ZNF648: variants seen among roughly 807,000 people sequenced by gnomAD.
ZNF648 encodes zinc finger protein 648.
A neutral mutation model predicts 0.3 loss-of-function variants in ZNF648; 1 was observed. The ratio of observed to expected loss-of-function variants is 3.90; its 90% CI spans 1.39 to 18.51. ZNF648 has a LOEUF of 18.51. Ranked by LOEUF, ZNF648 falls within the 30% of genes most tolerant of loss-of-function variation. The pLI is 0.11. For missense variants in ZNF648, 874 were observed against 769.7 expected, an observed-to-expected ratio of 1.14 and a Z score of -1.60; for synonymous variants, 376 against 326.8, an observed-to-expected ratio of 1.15 and a Z score of -1.62.
Position 182,056,533 on chromosome 1 carries a change from C to T in ZNF648, c.1478G>A (p.Arg493Gln), listed in dbSNP as rs769921881. The T allele has an allele frequency of 1.2e-6, 2 of 1,614,012 alleles. No homozygotes were observed. Among genetic ancestry groups the T allele is most frequent in the East Asian group, 2.2e-5 (1 of 44,852 alleles). ...CTCCCCGGAGTGGATCTGTTGGTGC[C>T]GCTTCAGGGTCGAAGAGCGGGCAAA... ...QAFARSSTLK[R>Q]HQQIHSGEKG... Residue 493 changes from arginine to glutamine, a missense_variant, in exon 2 of 2, where the codon CGG (arginine) becomes CAG (glutamine). By Grantham distance (43) the Arg-to-Gln change is conservative. Transcript: ENST00000339948.
At position 182,057,590 on chromosome 1, in the gene ZNF648, G is replaced by C. The variant is rs1462829731; in HGVS notation, c.421C>G (p.Leu141Val). ...TCACCCGCAGGTAGTCGGTCCCCAA[G>C]AGGTTGCATCTGACCTAACAATTTG... ...AHKLLGQMQP[L>V]GDRLPAGDDG... The change falls in exon 2 of 2, where the codon CTT becomes GTT. Residue 141 changes from leucine (L) to valine (V), a missense_variant. Coordinates refer to ENST00000339948, the MANE Select transcript of ZNF648 (RefSeq NM_001009992.1). 1 of 1,614,244 alleles carries C rather than the reference G, an allele frequency of 6.2e-7. No individual in the cohort carries two copies. The highest frequency in any genetic ancestry group is 8.5e-7 in the Non-Finnish European group (1 of 1,180,044).
At position 182,058,077 on chromosome 1, in the gene ZNF648, CAAAAAG is replaced by C. The variant is rs373160661; in HGVS notation, c.-63-10_-63-5del. The C allele has an allele frequency of 2.9e-4, 437 of 1,511,742 alleles. 3 individuals carry two copies. In the Middle Eastern group the frequency reaches 9.2e-3, roughly 32 times the overall value. The allele number at this position is 1,511,742 out of a possible 1,614,324, so 93.6% of individuals were successfully genotyped here. ...TATCCTGCTTGGCTCAGGATACCTG[CAAAAAG>C]AAAAGTACGAAGAGAAAATCACAAA... is the stretch of plus-strand genomic sequence containing the variant. On this transcript the variant is annotated splice_polypyrimidine_tract_variant and splice_region_variant and intron_variant, in intron 1 of 1. Transcript: ENST00000339948.
chr1:182,057,602 G>C lies in ZNF648; in HGVS notation c.409C>G (p.Gln137Glu), dbSNP rs1440521926. 3.7e-6 allele frequency: 6 copies of C among 1,614,206 alleles called. No individual in the cohort carries two copies. The South Asian group carries it at 6.6e-5, about 18-fold the overall frequency. ...PSGLAHKLLG[Q>E]MQPLGDRLPA... ...AGTCGGTCCCCAAGAGGTTGCATCT[G>C]ACCTAACAATTTGTGTGCGAGACCA... is the stretch of plus-strand genomic sequence containing the variant. The change falls in exon 2 of 2, where the codon CAG becomes GAG. Residue 137 changes from glutamine to glutamate, a missense_variant. Coordinates refer to ENST00000339948, the MANE Select transcript of ZNF648 (RefSeq NM_001009992.1).
At chr1:182,061,257 T>C (rs1666028112) in intron 1 of ZNF648, among the ~76,000 whole-genome samples, 2 of 152,130 alleles carry the variant, frequency 1.3e-5, no homozygotes, top group African/African-American at 4.8e-5. Flanking sequence ...ATGGCGGGCC[T>C]CTCTGCTCCC....
In ZNF648 at chr1:182,057,919, A is replaced by G; in HGVS notation, c.92T>C (p.Met31Thr). 6.2e-7 allele frequency: 1 copy of G among 1,614,000 alleles called. No individual in the cohort carries two copies. The highest frequency in any genetic ancestry group is 1.1e-5 in the South Asian group (1 of 91,078). Reference protein sequence around the residue: ...EEAHDTQMLSMNLESDDEDGG... With the variant: ...EEAHDTQMLSTNLESDDEDGG... The stretch of plus-strand genomic sequence containing the variant: ...ATCTTCATCGTCACTCTCTAAGTTC[A>G]TGCTCAGCATCTGGGTGTCATGAGC... Residue 31 changes from methionine to threonine, a missense_variant, in exon 2 of 2, where the codon ATG becomes ACG. Transcript: ENST00000339948.
At position 182,057,545 on chromosome 1, in the gene ZNF648, T is replaced by C. The variant is rs561204808; in HGVS notation, c.466A>G (p.Asn156Asp). The part of the protein sequence containing the change: ...PAGDDGYSGA[N>D]QDAVLDVPPS... ...GGGACATCCAAGACTGCGTCCTGGT[T>C]TGCCCCCGAGTATCCATCATCACCC... The change falls in exon 2 of 2, where the codon AAC becomes GAC. Residue 156 changes from asparagine to aspartate, a missense_variant. Asn to Asp is a conservative substitution (Grantham distance 23). Coordinates refer to ENST00000339948, the MANE Select transcript of ZNF648 (RefSeq NM_001009992.1). The C allele has an allele frequency of 3.7e-6, 6 of 1,614,190 alleles. No individual in the cohort carries two copies. In the Admixed American group the frequency reaches 8.3e-5, roughly 22 times the overall value.
chr1:182,067,122 A>G, the ZNF648 span, among the ~76,000 whole-genome samples: 2 of 152,188 alleles, frequency 1.3e-5, no homozygotes, highest in African/African-American at 4.8e-5. Flanking sequence ...TTATAAGGCA[A>G]TGACATCACA....
At position 182,057,775 on chromosome 1, in the gene ZNF648, T is replaced by C. The variant is rs1317878495; in HGVS notation, c.236A>G (p.Glu79Gly). The change falls in exon 2 of 2, where the codon GAG becomes GGG. Residue 79 changes from glutamate to glycine, a missense_variant. By Grantham distance (98) the Glu-to-Gly change is moderately conservative. Transcript: ENST00000339948. ...PWPHPLGKEE[E>G]KFSDSSSAGG... ...AGCACTGGAGGAGTCAGAGAATTTC[T>C]CTTCCTCTTTGCCCAGTGGATGGGG... The C allele has an allele frequency of 6.2e-7, 1 of 1,614,220 alleles. No homozygotes were observed. Among genetic ancestry groups the C allele is most frequent in the African/African-American group, 1.3e-5 (1 of 75,058 alleles).
Position 182,057,831 on chromosome 1 carries a change from T to A in ZNF648, c.180A>T (p.Pro60=). The change falls in exon 2 of 2, where the codon CCA becomes CCT. Residue 60 remains proline (P), a synonymous_variant. Transcript: ENST00000339948. ...GCAAGTCAGGATTTTCGTGTGTTACTGGGGAGCTGCCCCTTGGACAGGCCA... is the reference window on the plus strand; with the variant it reads ...GCAAGTCAGGATTTTCGTGTGTTACAGGGGAGCTGCCCCTTGGACAGGCCA... ...DPVACPRGSS[P]VTHENPDLPW... is the part of the protein sequence containing the mutation. 1.2e-6 allele frequency: 2 copies of A among 1,614,232 alleles called. No individual in the cohort carries two copies.
At chr1:182,068,165 G>A in the ZNF648 span, among the ~76,000 whole-genome samples, 1 of 152,204 alleles carries the variant, frequency 6.6e-6, no homozygotes, top group Non-Finnish European at 1.5e-5. Flanking sequence ...GAGCCCAGGG[G>A]CATGATGAAG....
In ZNF648 at chr1:182,056,377, T is replaced by C. The variant is rs775617165; in HGVS notation, c.1634A>G (p.Asn545Ser). 56 of 1,614,034 alleles carry C rather than the reference T, an allele frequency of 3.5e-5. No homozygotes were observed. The highest frequency in any genetic ancestry group is 4.7e-5 in the Non-Finnish European group (55 of 1,180,030). The change falls in exon 2 of 2, where the codon AAT becomes AGT. Residue 545 changes from asparagine (N) to serine (S), a missense_variant. By Grantham distance (46) the Asn-to-Ser change is conservative. Coordinates refer to ENST00000339948, the MANE Select transcript of ZNF648 (RefSeq NM_001009992.1). ...EDCGQAFTRSNHLQRHRAKHG... is the reference protein window; with the variant it reads ...EDCGQAFTRSSHLQRHRAKHG... Reference sequence around the variant, plus strand: ...CTTGGCTCGGTGTCGTTGGAGGTGATTGGACCTGGTGAAGGCCTGGCCGCA... The same window carrying C: ...CTTGGCTCGGTGTCGTTGGAGGTGACTGGACCTGGTGAAGGCCTGGCCGCA...
the ZNF648 span, among the ~76,000 whole-genome samples, chr1:182,067,957 A>C: frequency 6.6e-6 from 1 of 152,244 alleles, no homozygotes; most frequent in Non-Finnish European, 1.5e-5. Context: ...CTGAGGAAGA[A>C]CACCACAAAT....
the ZNF648 span, among the ~76,000 whole-genome samples, chr1:182,066,716 TAAG>T: frequency 2.0e-5 from 3 of 152,208 alleles, no homozygotes; most frequent in Non-Finnish European, 4.4e-5. Flanking sequence ...AAAATGGGAA[TAAG>T]AATAATTTCA....
upstream of ZNF648, among the ~76,000 whole-genome samples, chr1:182,062,440 G>A (rs936924636): frequency 6.6e-6 from 1 of 152,164 alleles, no homozygotes; most frequent in Non-Finnish European, 1.5e-5. Flanking sequence ...TCACTAGGTG[G>A]TCACAAAGTA....
At chr1:182,069,408 A>C in the ZNF648 span, among the ~76,000 whole-genome samples, 2 of 152,224 alleles carry the variant, frequency 1.3e-5, no homozygotes, top group Middle Eastern at 3.2e-3. Flanking sequence ...CAACTGCTGC[A>C]CTGAACGTAA....
the ZNF648 span, chr1:182,068,345 G>C: frequency 6.6e-6 from 1 of 152,192 alleles, no homozygotes; most frequent in South Asian, 2.1e-4. Context: ...TACTATGTCA[G>C]TGTTTTTCAG....
Position 182,056,017 on chromosome 1 carries a change from C to G in ZNF648, c.*287G>C. On this transcript the variant is annotated 3_prime_UTR_variant, in exon 2 of 2. Transcript: ENST00000339948. ...TTCTAGAAGCAGTTTCTGATTGATT[C>G]AGGTTCCCCAACCCAAGGAACTCAA... The G allele has an allele frequency of 2.4e-6, 1 of 411,540 alleles. No homozygotes were observed. The highest frequency in any genetic ancestry group is 3.7e-5 in the South Asian group (1 of 26,776). The allele number at this position is 411,540 out of a possible 1,614,324, so 25.5% of individuals were successfully genotyped here.
the ZNF648 span, among the ~76,000 whole-genome samples, chr1:182,067,289 C>A: frequency 1.3e-5 from 2 of 152,276 alleles, no homozygotes; most frequent in East Asian, 3.9e-4. Flanking sequence ...TATTTCTACA[C>A]CCTGCATGAC....
Position 182,056,922 on chromosome 1 carries a change from G to A in ZNF648, c.1089C>T (p.Pro363=). ...TCAGGCCGCACTCGGAGCACGGGAA[G>A]GGCTTATTGTTGCTGTGCATGTTGC... ...HQRNMHSNNK[P]FPCSECGLTF... Residue 363 remains proline (P), a synonymous_variant, in exon 2 of 2, where the codon CCC becomes CCT. Coordinates refer to ENST00000339948, the MANE Select transcript of ZNF648 (RefSeq NM_001009992.1). 6.8e-6 allele frequency: 11 copies of A among 1,607,596 alleles called. No individual in the cohort carries two copies. The highest frequency in any genetic ancestry group is 1.1e-5 in the South Asian group (1 of 90,300).
Sources: gnomAD v4.1 joint callset for allele counts (sites outside exome capture counted in the v4.1 genomes callset) on GRCh38, gnomAD v4.1.1 for gene constraint, MANE v1.5 for transcripts, NCBI Gene and HGNC (gene_info 2026-07-23, HGNC 2026-07-21) for gene names.